Variants in SPIDR observed in about 807,000 individuals in gnomAD.
SPIDR encodes DNA repair-scaffolding protein.
Under a neutral mutation model 104.6 loss-of-function variants are expected in SPIDR, and 93 were observed. That is an observed-to-expected ratio of 0.89 (90% CI 0.75 to 1.06). The LOEUF (loss-of-function observed/expected upper bound fraction) is 1.06, where lower values mean the gene tolerates loss of function less well. SPIDR is among the 50% of genes least tolerant of loss of function. The pLI is 0.00. For synonymous variants in SPIDR, 431 were observed against 416.9 expected, an observed-to-expected ratio of 1.03 and a Z score of -0.41; for missense variants, 1,154 against 1,111.2, an observed-to-expected ratio of 1.04 and a Z score of -0.55.
In SPIDR at chr8:47,642,020, C is replaced by T. The variant is rs570210882; in HGVS notation, c.1545-31781C>T. ...GGTATTCCAGCCAGAGTGGACTCTG[C>T]GCACGTGTGGGAGCAGCCCTGGCAT... On this transcript the variant is annotated intron_variant, in intron 10 of 19. Transcript: ENST00000297423. Among the ~76,000 whole-genome samples the T allele has an allele frequency of 7.9e-5, 12 of 152,242 alleles. 2 individuals are homozygous for T. In the South Asian group the frequency reaches 1.4e-3, roughly 18 times the overall value.
rs763962445 is a variant in SPIDR, at chr8:47,729,095, T to C, written c.2550+48T>C. 3.7e-6 allele frequency: 6 copies of C among 1,602,984 alleles called. 1 individual carries two copies. The highest frequency in any genetic ancestry group is 3.3e-5 in the South Asian group (3 of 90,196). ...CACGCACTCCTAGCTCACTCCAACA[T>C]AGCGAAGGTGAGACAGAGCTGAAGC... On this transcript the variant is annotated intron_variant, in intron 18 of 19. Coordinates refer to ENST00000297423, the MANE Select transcript of SPIDR (RefSeq NM_001080394.4).
At chr8:47,503,142 G>A (rs1374114779) in intron 8 of SPIDR, among the ~76,000 whole-genome samples, 1 of 152,180 alleles carries the variant, frequency 6.6e-6, no homozygotes, top group Non-Finnish European at 1.5e-5. Context: ...TTCTGTAGAT[G>A]CCTATTAGTT....
At chr8:47,683,781 G>A (rs754257224) in intron 11 of SPIDR, among the ~76,000 whole-genome samples, 2 of 152,034 alleles carry the variant, frequency 1.3e-5, no homozygotes, top group Non-Finnish European at 2.9e-5. Flanking sequence ...CTGTTGTTCA[G>A]GGCCAAGTGT....
chr8:47,532,065 A>ATT lies in SPIDR; in HGVS notation c.1098-63727_1098-63726dup, dbSNP rs34728107. 9.5e-4 allele frequency among the ~76,000 whole-genome samples: 114 copies of ATT among 119,604 alleles called. 1 individual carries two copies. Among genetic ancestry groups the ATT allele is most frequent in the African/African-American group, 3.4e-3 (111 of 32,632 alleles). 78.5% of individuals were successfully genotyped at this position (119,604 alleles called of 152,430 possible). On this transcript the variant is annotated intron_variant, in intron 8 of 19. Coordinates refer to ENST00000297423, the MANE Select transcript of SPIDR (RefSeq NM_001080394.4). Reference sequence around the variant, plus strand: ...TAAAAGACAAAGATTGTCAGAGTGGATTTTTTTTTTTTTTTTTTTTGAGAC... The same window carrying ATT: ...TAAAAGACAAAGATTGTCAGAGTGGATTTTTTTTTTTTTTTTTTTTTTGAGAC...
intron 5 of SPIDR, among the ~76,000 whole-genome samples, chr8:47,391,885 A>G (rs2060622875): frequency 6.6e-6 from 1 of 151,232 alleles, no homozygotes; most frequent in African/African-American, 2.4e-5. Flanking sequence ...AGTCCCAGCT[A>G]CTCGGGAGGC....
At chr8:47,280,227 T>TA (rs1405792325) in intron 2 of SPIDR, among the ~76,000 whole-genome samples, 5 of 151,702 alleles carry the variant, frequency 3.3e-5, no homozygotes, top group African/African-American at 1.2e-4. Flanking sequence ...ATTTTTTATT[T>TA]TTTTTTTATT....
At chr8:47,595,150 A>C (rs2061501314) in intron 8 of SPIDR, among the ~76,000 whole-genome samples, 4 of 152,058 alleles carry the variant, frequency 2.6e-5, no homozygotes, top group Admixed American at 2.6e-4. Context: ...CAGGCATTTT[A>C]GTTGTACTTA....
chr8:47,543,440 A>G (rs2088638287), intron 8 of SPIDR, among the ~76,000 whole-genome samples: 2 of 152,206 alleles, frequency 1.3e-5, no homozygotes, highest in African/African-American at 4.8e-5. Flanking sequence ...AGGTTCAAAA[A>G]TTTGGAAAGG....
At chr8:47,587,797 T>A (rs1240941974) in intron 8 of SPIDR, among the ~76,000 whole-genome samples, 1 of 150,282 alleles carries the variant, frequency 6.7e-6, no homozygotes, top group Non-Finnish European at 1.5e-5. Context: ...ACTGTGGAGA[T>A]CAATTTAAAA....
At chr8:47,601,991 A>G (rs564279226) in intron 10 of SPIDR, among the ~76,000 whole-genome samples, 27 of 147,932 alleles carry the variant, frequency 1.8e-4, no homozygotes, top group Middle Eastern at 6.9e-3. Context: ...TAGAAGTAAA[A>G]CTGTACTTTA....
chr8:47,714,054 C>T (rs2082234918), intron 16 of SPIDR, among the ~76,000 whole-genome samples: 1 of 152,020 alleles, frequency 6.6e-6, no homozygotes, highest in African/African-American at 2.4e-5. Context: ...AGTTGGTGAG[C>T]AGGGGTGTCT....
chr8:47,552,031 C>T (rs2090580590), intron 8 of SPIDR, among the ~76,000 whole-genome samples: 1 of 152,134 alleles, frequency 6.6e-6, no homozygotes. Flanking sequence ...GTTATGTACC[C>T]AGTAGTCATT....
intron 8 of SPIDR, among the ~76,000 whole-genome samples, chr8:47,444,509 T>A (rs1243915337): frequency 6.6e-6 from 1 of 152,238 alleles, no homozygotes; most frequent in Non-Finnish European, 1.5e-5. Context: ...GGTCCATTCA[T>A]ATCGTCATCT....
intron 8 of SPIDR, among the ~76,000 whole-genome samples, chr8:47,497,099 A>AT (rs147269420): frequency 0.032 from 4,827 of 151,622 alleles, 108 homozygotes; most frequent in Non-Finnish European, 0.052. Context: ...GCCTTCTCTC[A>AT]TTTTTTCTTG....
At chr8:47,264,007 A>G (rs1450910804) in intron 1 of SPIDR, among the ~76,000 whole-genome samples, 1 of 152,246 alleles carries the variant, frequency 6.6e-6, no homozygotes, top group East Asian at 1.9e-4. Context: ...TGATGAATTA[A>G]TGAAAGGAGA....
At chr8:47,436,305 T>C (rs1349974655) in intron 7 of SPIDR, among the ~76,000 whole-genome samples, 4 of 152,250 alleles carry the variant, frequency 2.6e-5, no homozygotes, top group African/African-American at 9.6e-5. Flanking sequence ...ATATTTTGGC[T>C]GTCTTGTAGC....
At chr8:47,412,593 G>T (rs1199441088) in intron 7 of SPIDR, among the ~76,000 whole-genome samples, 1 of 152,184 alleles carries the variant, frequency 6.6e-6, no homozygotes, top group Non-Finnish European at 1.5e-5. Context: ...ATGGGCTACA[G>T]TCAGTAACAC....
In SPIDR at chr8:47,493,036, A is replaced by T. The variant is rs200384514; in HGVS notation, c.1097+52494A>T. 5.7e-3 allele frequency among the ~76,000 whole-genome samples: 707 copies of T among 123,408 alleles called. 5 individuals are homozygous for T. The highest frequency in any genetic ancestry group is 0.013 in the African/African-American group (279 of 22,240). The allele number at this position is 123,408 out of a possible 152,430, so 81.0% of individuals were successfully genotyped here. On this transcript the variant is annotated intron_variant, in intron 8 of 19. Transcript: ENST00000297423. ...CCATTGGAGAGAGAGAGAGAGAGAGAGAGTGAGTGTGTGTGTGTGTGTGTG... is the reference window on the plus strand; with the variant it reads ...CCATTGGAGAGAGAGAGAGAGAGAGTGAGTGAGTGTGTGTGTGTGTGTGTG...
chr8:47,732,253 C>G (rs1589631575), intron 19 of SPIDR: 29 of 700,832 alleles, frequency 4.1e-5, no homozygotes, highest in Non-Finnish European at 7.3e-5. Flanking sequence ...GGTAAAAGCC[C>G]TGCTTATAAA....
Sources: allele counts gnomAD v4.1 joint callset (sites outside exome capture counted in the v4.1 genomes callset), GRCh38; gene constraint gnomAD v4.1.1; transcripts MANE v1.5; gene names NCBI Gene and HGNC (gene_info 2026-07-23, HGNC 2026-07-21).